CDH12: variants seen among roughly 807,000 people sequenced by gnomAD.
The protein encoded by CDH12 is cadherin 12, also known as cadherin-12.
CDH12 carries 41 observed loss-of-function variants against 74.1 expected under a neutral mutation model. That is an observed-to-expected ratio of 0.55 (90% confidence interval 0.43 to 0.72). CDH12 has a LOEUF of 0.72. Ranked by LOEUF, CDH12 falls within the 30% of genes least tolerant of loss-of-function variation. CDH12 has a pLI of 0.00. For synonymous variants in CDH12, 399 were observed against 355.0 expected (o/e 1.12, Z -1.39); for missense variants, 945 against 977.2 (o/e 0.97, Z 0.44).
intron 5 of CDH12, among the ~76,000 whole-genome samples, chr5:22,007,853 T>C (rs1205562562): frequency 6.6e-6 from 1 of 152,242 alleles, no homozygotes; most frequent in East Asian, 1.9e-4. Context: ...CATTTTGTTA[T>C]TTTGTGGCTT....
At chr5:22,660,665 G>A (rs575220862) in intron 1 of CDH12, among the ~76,000 whole-genome samples, 27 of 152,080 alleles carry the variant, frequency 1.8e-4, no homozygotes, top group Non-Finnish European at 3.2e-4. Context: ...TAATCTCCCT[G>A]CCTCCACCTC....
chr5:22,688,269 G>T (rs147108320), intron 1 of CDH12, among the ~76,000 whole-genome samples: 25 of 151,970 alleles, frequency 1.6e-4, no homozygotes, highest in African/African-American at 5.5e-4. Context: ...AGAAAAATTG[G>T]GATAATTTAG....
At chr5:22,248,742 C>T (rs890429867) in intron 3 of CDH12, among the ~76,000 whole-genome samples, 1 of 152,148 alleles carries the variant, frequency 6.6e-6, no homozygotes, top group Non-Finnish European at 1.5e-5. Context: ...AGTTTCATAG[C>T]TGTACATTAA....
intron 3 of CDH12, 21 bp downstream of exon 3, chr5:22,405,236 C>A (rs1155443): frequency 0.43 from 280,522 of 653,634 alleles, 61,225 homozygotes; most frequent in Admixed American, 0.5. Flanking sequence ...AAGAAAAAAT[C>A]ATAACAATCA....
chr5:22,841,514 G>A (rs1308730395), intron 1 of CDH12, among the ~76,000 whole-genome samples: 1 of 152,140 alleles, frequency 6.6e-6, no homozygotes, highest in Non-Finnish European at 1.5e-5. Context: ...GGAGAGCTGA[G>A]CTGGGAAATA....
chr5:22,642,549 G>T (rs562062527), intron 1 of CDH12, among the ~76,000 whole-genome samples: 1 of 152,232 alleles, frequency 6.6e-6, no homozygotes, highest in Admixed American at 6.5e-5. Flanking sequence ...CACTTACGGA[G>T]CCCAGTTAAT....
chr5:22,342,768 TCCTCACTTCCTTCCTTCCCTC>T (rs1739926629), intron 3 of CDH12, among the ~76,000 whole-genome samples: 1 of 141,152 alleles, frequency 7.1e-6, no homozygotes. Flanking sequence ...CTTCCTCCCT[TCCTCACTTCCTTCCTTCCCTC>T]CCTCCCTTCT....
chr5:22,038,791 G>A (rs150114756), intron 5 of CDH12, among the ~76,000 whole-genome samples: 7 of 152,166 alleles, frequency 4.6e-5, no homozygotes, highest in African/African-American at 1.2e-4. Context: ...TTTGTGCCTC[G>A]ACTGAGCTGA....
intron 1 of CDH12, among the ~76,000 whole-genome samples, chr5:22,784,480 T>A (rs1747530219): frequency 6.6e-6 from 1 of 152,174 alleles, no homozygotes; most frequent in Admixed American, 6.6e-5. Flanking sequence ...ACTTTTTCCT[T>A]CTTCCTCACC....
rs1033694020 is a variant in CDH12, at chr5:22,701,406, A to G, written c.-523+151652T>C. 5.3e-5 allele frequency among the ~76,000 whole-genome samples: 8 copies of G among 152,208 alleles called. No homozygotes were observed. The South Asian group carries it at 1.0e-3, about 20-fold the overall frequency. On this transcript the variant is annotated intron_variant, in intron 1 of 14. Coordinates refer to ENST00000382254, the MANE Select transcript of CDH12 (RefSeq NM_004061.5). ...CACCATCATTGAATCCCTATTCTAC[A>G]GCAATAAGATTAAAAAAAAAGATTG...
chr5:22,004,352 T>C (rs1172502416), intron 5 of CDH12, among the ~76,000 whole-genome samples: 3 of 152,196 alleles, frequency 2.0e-5, no homozygotes, highest in Non-Finnish European at 4.4e-5. Context: ...AGGGGACTAG[T>C]GTACATTGTT....
At chr5:22,647,827 C>T (rs985940710) in intron 1 of CDH12, among the ~76,000 whole-genome samples, 14 of 151,780 alleles carry the variant, frequency 9.2e-5, no homozygotes, top group African/African-American at 3.1e-4. Flanking sequence ...AACTAATATT[C>T]CATTAAAATT....
chr5:22,653,879 T>C (rs888778182), intron 1 of CDH12, among the ~76,000 whole-genome samples: 3 of 152,186 alleles, frequency 2.0e-5, no homozygotes, highest in Admixed American at 6.5e-5. Context: ...TCTTCAAGTC[T>C]CCGAGCTTAT....
chr5:22,249,504 A>G (rs570398385), intron 3 of CDH12, among the ~76,000 whole-genome samples: 9 of 152,322 alleles, frequency 5.9e-5, no homozygotes, highest in African/African-American at 2.2e-4. Context: ...TGTGAGAAGA[A>G]CATTTTGACA....
intron 1 of CDH12, among the ~76,000 whole-genome samples, chr5:22,688,014 G>A (rs568756978): frequency 1.3e-5 from 2 of 152,176 alleles, no homozygotes; most frequent in South Asian, 4.2e-4. Context: ...GCCAAGGAAA[G>A]TCTATGAGAA....
intron 6 of CDH12, among the ~76,000 whole-genome samples, chr5:21,944,722 T>G (rs150259482): frequency 0.022 from 3,306 of 152,266 alleles, 132 homozygotes; most frequent in African/African-American, 0.076. Flanking sequence ...TGGCCCCTAC[T>G]CACCCCCTCC....
chr5:22,759,249 A>G (rs1746085518), intron 1 of CDH12, among the ~76,000 whole-genome samples: 1 of 152,112 alleles, frequency 6.6e-6, no homozygotes, highest in Non-Finnish European at 1.5e-5. Context: ...GCCACCACAC[A>G]TGTATTCTTT....
At chr5:22,258,562 G>A (rs1397487533) in intron 3 of CDH12, among the ~76,000 whole-genome samples, 2 of 150,728 alleles carry the variant, frequency 1.3e-5, no homozygotes, top group Non-Finnish European at 3.0e-5. Context: ...AAAAAAAAAA[G>A]TCCTAGGCCT....
intron 3 of CDH12, among the ~76,000 whole-genome samples, chr5:22,374,142 CA>C (rs1288180516): frequency 6.6e-6 from 1 of 151,674 alleles, no homozygotes; most frequent in African/African-American, 2.4e-5. Context: ...CTAGGAATGC[CA>C]AAATGGTTCA....
Sources: allele counts gnomAD v4.1 joint callset (sites outside exome capture counted in the v4.1 genomes callset), GRCh38; gene constraint gnomAD v4.1.1; transcripts MANE v1.5; gene names NCBI Gene and HGNC (gene_info 2026-07-23, HGNC 2026-07-21).